Variants in ROCK2 observed in about 807,000 individuals in gnomAD.
ROCK2 encodes the protein Rho associated coiled-coil containing protein kinase 2, also known as rho-associated protein kinase 2.
Under a neutral mutation model 195.1 loss-of-function variants are expected in ROCK2, and 61 were observed. That is an observed-to-expected ratio of 0.31 (90% CI 0.25 to 0.39). The LOEUF (loss-of-function observed/expected upper bound fraction) is 0.39. ROCK2 is among the 10% of genes least tolerant of loss of function. ROCK2 has a pLI of 1.00. For synonymous variants in ROCK2, 504 were observed against 545.5 expected (o/e 0.92, Z 1.06); for missense variants, 1,109 against 1,637.4 (o/e 0.68, Z 5.57).
chr2:11,220,501 T>A (rs1664599361), intron 9 of ROCK2, among the ~76,000 whole-genome samples: 1 of 152,172 alleles, frequency 6.6e-6, no homozygotes, highest in African/African-American at 2.4e-5. Flanking sequence ...AACCAATATT[T>A]ATTGAATGAT....
intron 4 of ROCK2, among the ~76,000 whole-genome samples, chr2:11,241,834 G>A (rs1187643520): frequency 6.6e-6 from 1 of 152,142 alleles, no homozygotes; most frequent in Non-Finnish European, 1.5e-5. Context: ...CTTAATGACG[G>A]TATAACACCG....
At chr2:11,272,016 T>C (rs1323137145) in intron 3 of ROCK2, among the ~76,000 whole-genome samples, 2 of 114,378 alleles carry the variant, frequency 1.7e-5, no homozygotes, top group African/African-American at 5.8e-5. Context: ...CGAGACTCCA[T>C]CTCAAAAAAA....
intron 18 of ROCK2, among the ~76,000 whole-genome samples, chr2:11,209,777 G>A (rs904828334): frequency 5.9e-5 from 9 of 152,080 alleles, no homozygotes; most frequent in African/African-American, 2.2e-4. Context: ...TTATAAAGTT[G>A]TATTAGGTAA....
At chr2:11,287,761 T>C (rs72787695) in intron 1 of ROCK2, 25 bp from the exon 2 acceptor site, 3 of 972,064 alleles carry the variant, frequency 3.1e-6, no homozygotes, top group Non-Finnish European at 2.9e-6. Flanking sequence ...AAAGAGGAAA[T>C]GACAGTTTTT....
At chr2:11,322,906 G>A (rs1353944503) in intron 1 of ROCK2, among the ~76,000 whole-genome samples, 1 of 152,112 alleles carries the variant, frequency 6.6e-6, no homozygotes, top group African/African-American at 2.4e-5. Context: ...TTAAAGATAA[G>A]TTCTTAATCA....
At chr2:11,195,461 A>C (rs1663596365) in intron 27 of ROCK2, among the ~76,000 whole-genome samples, 1 of 152,166 alleles carries the variant, frequency 6.6e-6, no homozygotes, top group Admixed American at 6.5e-5. Context: ...GTGTTCAGAG[A>C]AAATGGACTT....
Position 11,192,536 on chromosome 2 carries a change from A to C in ROCK2, c.3864T>G (p.Pro1288=), listed in dbSNP as rs1331565535. 1 of 1,614,058 alleles carries C rather than the reference A, an allele frequency of 6.2e-7. No individual in the cohort carries two copies. The highest frequency in any genetic ancestry group is 8.5e-7 in the Non-Finnish European group (1 of 1,180,018). Residue 1288 remains proline (P), a synonymous_variant, in exon 31 of 33, where the codon CCT becomes CCG. Coordinates refer to ENST00000315872, the MANE Select transcript of ROCK2 (RefSeq NM_004850.5). This position sits in a 1 kb window ranked among gnomAD's most constrained non-coding sequence, Gnocchi z 5.0. ...GGCAACGGCGGCACTCCAAAGCAGG[A>C]GGAGGCTTAAACATGTGCCACAGGG... ...MKPLWHMFKP[P]PALECRRCHI...
At chr2:11,301,043 C>T (rs529085248) in intron 1 of ROCK2, among the ~76,000 whole-genome samples, 58 of 152,264 alleles carry the variant, frequency 3.8e-4, no homozygotes, top group Non-Finnish European at 5.4e-4. Flanking sequence ...AGAACCTAAT[C>T]TTCAAATCAC....
chr2:11,243,730 G>A (rs547015868), intron 4 of ROCK2, among the ~76,000 whole-genome samples: 2 of 152,280 alleles, frequency 1.3e-5, no homozygotes, highest in South Asian at 4.1e-4. Context: ...CAGCCAAGAA[G>A]AGCCCAGGAA....
chr2:11,198,435 A>G, intron 25 of ROCK2, 56 bp downstream of exon 25: 1 of 1,215,038 alleles, frequency 8.2e-7, no homozygotes, highest in East Asian at 2.3e-5. Flanking sequence ...AGTAAAATGT[A>G]AAAGAGATAA....
intron 1 of ROCK2, among the ~76,000 whole-genome samples, chr2:11,317,608 ATATATT>A (rs1225617927): frequency 2.5e-4 from 4 of 15,942 alleles, no homozygotes; most frequent in Non-Finnish European, 3.8e-4. Flanking sequence ...ATATATATAT[ATATATT>A]TTTTTTTTTT....
chr2:11,251,367 C>T (rs1665826125), intron 3 of ROCK2, among the ~76,000 whole-genome samples: 1 of 152,222 alleles, frequency 6.6e-6, no homozygotes, highest in South Asian at 2.1e-4. Context: ...TGGCATGTGC[C>T]AGGCACTGTG....
intron 9 of ROCK2, among the ~76,000 whole-genome samples, chr2:11,220,223 G>A (rs543623163): frequency 1.1e-3 from 161 of 152,028 alleles, no homozygotes; most frequent in African/African-American, 3.8e-3. Context: ...TCTCTATGTC[G>A]GTCAGGCTGG....
At chr2:11,283,045 T>C (rs769618857) in intron 3 of ROCK2, among the ~76,000 whole-genome samples, 1 of 152,076 alleles carries the variant, frequency 6.6e-6, no homozygotes, top group Non-Finnish European at 1.5e-5. Context: ...GGTGGGCAGA[T>C]TGCCTGAGGT....
In ROCK2 at chr2:11,200,301, T is replaced by G. The variant is rs368636361; in HGVS notation, c.2910+656A>C. ...TAGATTCTGTTCTGATAGCTTAAAATTTTTATTTTTCATAGTCCTTAAGAT... is the reference window on the plus strand; with the variant it reads ...TAGATTCTGTTCTGATAGCTTAAAAGTTTTATTTTTCATAGTCCTTAAGAT... On this transcript the variant is annotated intron_variant, in intron 23 of 32. Coordinates refer to ENST00000315872, the MANE Select transcript of ROCK2 (RefSeq NM_004850.5). Among the ~76,000 whole-genome samples the G allele has an allele frequency of 1.6e-4, 25 of 152,352 alleles. No individual in the cohort carries two copies. In the East Asian group the frequency reaches 4.8e-3, roughly 29 times the overall value.
rs1236410540 is a variant in ROCK2 at position 11,309,721 on chromosome 2, C to T, written c.142-21985G>A. 1.3e-5 allele frequency among the ~76,000 whole-genome samples: 2 copies of T among 152,066 alleles called. 1 individual carries two copies. Among genetic ancestry groups the T allele is most frequent in the African/African-American group, 4.8e-5 (2 of 41,428 alleles). On this transcript the variant is annotated intron_variant, in intron 1 of 32. Coordinates refer to ENST00000315872, the MANE Select transcript of ROCK2 (RefSeq NM_004850.5). ...TCAGCTGGACTTGGTGGCTCATGTC[C>T]GTAATCCCAGCACTTTGGGAAGCTA...
chr2:11,193,686 A>C, intron 30 of ROCK2, 93 bp downstream of exon 30: 1 of 635,804 alleles, frequency 1.6e-6, no homozygotes, highest in Non-Finnish European at 2.7e-6. Flanking sequence ...CAAAGAATGA[A>C]GAGATTTAAC....
chr2:11,292,644 A>G (rs969929607), intron 1 of ROCK2, among the ~76,000 whole-genome samples: 1 of 152,234 alleles, frequency 6.6e-6, no homozygotes, highest in African/African-American at 2.4e-5. Flanking sequence ...CATAGGAAGC[A>G]TATTTCTGTG....
chr2:11,240,729 AGCATACAC>A (rs1300390508), intron 4 of ROCK2, among the ~76,000 whole-genome samples: 2 of 152,268 alleles, frequency 1.3e-5, no homozygotes, highest in Non-Finnish European at 2.9e-5. Flanking sequence ...AACTCACTAA[AGCATACAC>A]TTCACGCAGG....
Sources: gnomAD v4.1 joint callset for allele counts (sites outside exome capture counted in the v4.1 genomes callset) on GRCh38, gnomAD v4.1.1 for gene constraint, Gnocchi (gnomAD v3.1) non-coding constraint, MANE v1.5 for transcripts, NCBI Gene and HGNC (gene_info 2026-07-23, HGNC 2026-07-21) for gene names.